ITFG1: variants seen among roughly 807,000 people sequenced by gnomAD.
The protein encoded by ITFG1 is integrin alpha FG-GAP repeat containing 1, also known as T-cell immunomodulatory protein.
ITFG1 carries 34 observed loss-of-function variants against 81.8 expected under a neutral mutation model. That is an observed-to-expected ratio of 0.42 (90% CI 0.32 to 0.55). The LOEUF (loss-of-function observed/expected upper bound fraction) is 0.55, where lower values mean the gene tolerates loss of function less well. Ranked by LOEUF, ITFG1 falls within the 20% of genes least tolerant of loss-of-function variation. The pLI is 0.17. For synonymous variants in ITFG1, 285 were observed against 270.6 expected, an observed-to-expected ratio of 1.05 and a Z score of -0.52; for missense variants, 672 against 755.4, an observed-to-expected ratio of 0.89 and a Z score of 1.29.
intron 6 of ITFG1, among the ~76,000 whole-genome samples, chr16:47,410,140 ATGG>A (rs1398393679): frequency 6.6e-6 from 1 of 152,046 alleles, no homozygotes; most frequent in East Asian, 1.9e-4. Flanking sequence ...TTAGCCAGGC[ATGG>A]TGGCATGCAC....
At position 47,460,992 on chromosome 16, in the gene ITFG1, G is replaced by A. The variant is rs1473218282; in HGVS notation, c.54C>T (p.Leu18=). The A allele has an allele frequency of 1.3e-6, 2 of 1,573,668 alleles. No individual in the cohort carries two copies. Among genetic ancestry groups the A allele is most frequent in the Non-Finnish European group, 1.7e-6 (2 of 1,160,076 alleles). The change falls in exon 1 of 18, where the codon CTC becomes CTT. Residue 18 remains leucine (L), a synonymous_variant. Transcript: ENST00000320640. The part of the protein sequence containing the change: ...PSSWALFSPL[L]AGLALLGVGP... ...CGACTCCCAGTAGTGCAAGCCCTGC[G>A]AGGAGCGGCGAGAAGAGGGCCCAGG...
At chr16:47,351,624 T>C (rs1005750751) in intron 8 of ITFG1, among the ~76,000 whole-genome samples, 32 of 152,176 alleles carry the variant, frequency 2.1e-4, no homozygotes, top group Non-Finnish European at 3.5e-4. Flanking sequence ...ATCGTGAACA[T>C]TGCCATTCTG....
chr16:47,430,737 A>G (rs186597353), intron 5 of ITFG1, among the ~76,000 whole-genome samples: 330 of 152,356 alleles, frequency 2.2e-3, no homozygotes, highest in African/African-American at 7.5e-3. Flanking sequence ...GAAAGAACTA[A>G]AAGGATCTCT....
intron 10 of ITFG1, among the ~76,000 whole-genome samples, chr16:47,274,128 G>A (rs1966372788): frequency 6.6e-6 from 1 of 151,974 alleles, no homozygotes; most frequent in South Asian, 2.1e-4. Context: ...GTGGTGGTGG[G>A]TGCCTGTAAT....
intron 10 of ITFG1, among the ~76,000 whole-genome samples, chr16:47,277,951 T>C (rs1966415255): frequency 6.6e-6 from 1 of 152,190 alleles, no homozygotes; most frequent in Admixed American, 6.5e-5. Context: ...AGAACAAATA[T>C]CTTGCGCAAA....
At chr16:47,365,225 A>G (rs1425313652) in intron 8 of ITFG1, among the ~76,000 whole-genome samples, 1 of 152,192 alleles carries the variant, frequency 6.6e-6, no homozygotes, top group Non-Finnish European at 1.5e-5. Context: ...GGGGCAGACC[A>G]CTTTCCCATC....
rs887188427 is a variant in ITFG1, at chr16:47,365,672, A to C, written c.802+116T>G. On this transcript the variant is annotated intron_variant, in intron 8 of 17. Coordinates refer to ENST00000320640, the MANE Select transcript of ITFG1 (RefSeq NM_030790.5). ...AATAGGCATCTTTTGAAGCTATAAT[A>C]GCTCTGAAGACCCTGGAGTTATTTC... The C allele has an allele frequency of 5.8e-5, 36 of 621,702 alleles. 1 individual carries two copies. Among genetic ancestry groups the C allele is most frequent in the Middle Eastern group, 3.3e-4 (1 of 3,018 alleles). The allele number at this position is 621,702 out of a possible 1,614,324, so 38.5% of individuals were successfully genotyped here. A position where few individuals can be genotyped will look rare whatever the true frequency, so the allele number is the denominator to read the frequency against.
chr16:47,235,515 A>G (rs563108468), intron 13 of ITFG1, among the ~76,000 whole-genome samples: 12 of 152,300 alleles, frequency 7.9e-5, no homozygotes, highest in African/African-American at 2.9e-4. Context: ...CTAAAACTGA[A>G]TATGAATAAA....
chr16:47,172,102 C>T (rs749367391), intron 14 of ITFG1, among the ~76,000 whole-genome samples: 1 of 152,198 alleles, frequency 6.6e-6, no homozygotes, highest in Non-Finnish European at 1.5e-5. Flanking sequence ...GACTGCCAGT[C>T]TCTGAACTCT....
chr16:47,460,951 C>G lies in ITFG1; in HGVS notation c.95G>C (p.Arg32Pro), dbSNP rs1324177346. Residue 32 changes from arginine (R) to proline (P), a missense_variant, in exon 1 of 18, where the codon CGG becomes CCG. Transcript: ENST00000320640. The stretch of plus-strand genomic sequence containing the variant: ...CTCGGCCGTGACGTTGTGCAGCGCC[C>G]GCGCTGGGACCGGCCCGACTCCCAG... ...ALLGVGPVPA[R>P]ALHNVTAELF... is the part of the protein sequence containing the mutation. The G allele has an allele frequency of 1.2e-6, 2 of 1,609,186 alleles. No individual in the cohort carries two copies. Among genetic ancestry groups the G allele is most frequent in the East Asian group, 2.2e-5 (1 of 44,700 alleles).
At chr16:47,429,476 G>A (rs982410811) in intron 5 of ITFG1, among the ~76,000 whole-genome samples, 5 of 152,160 alleles carry the variant, frequency 3.3e-5, no homozygotes, top group African/African-American at 1.2e-4. Context: ...TTGGGTCATA[G>A]AGGAATATAT....
intron 6 of ITFG1, among the ~76,000 whole-genome samples, chr16:47,417,609 C>T (rs571322476): frequency 6.6e-6 from 1 of 152,228 alleles, no homozygotes; most frequent in African/African-American, 2.4e-5. Flanking sequence ...TCTTTTAGCT[C>T]CCATATATGA....
chr16:47,326,344 A>C (rs1420668602), intron 8 of ITFG1, among the ~76,000 whole-genome samples: 1 of 152,224 alleles, frequency 6.6e-6, no homozygotes, highest in Admixed American at 6.5e-5. Flanking sequence ...AGAGCTATCT[A>C]TGACAAACCC....
chr16:47,418,401 T>C (rs1162894052), intron 6 of ITFG1, among the ~76,000 whole-genome samples: 1 of 152,148 alleles, frequency 6.6e-6, no homozygotes, highest in East Asian at 1.9e-4. Flanking sequence ...TTTATCTTTT[T>C]TTTGTTTTTG....
intron 5 of ITFG1, 73 bp from the exon 6 acceptor site, chr16:47,428,971 G>T (rs937971806): frequency 9.5e-6 from 8 of 838,484 alleles, no homozygotes; most frequent in Non-Finnish European, 1.5e-5. Context: ...AAAAATCTCT[G>T]CATGCAAAAC....
At chr16:47,182,526 A>T (rs1309513257) in intron 14 of ITFG1, among the ~76,000 whole-genome samples, 1 of 152,212 alleles carries the variant, frequency 6.6e-6, no homozygotes, top group Non-Finnish European at 1.5e-5. Context: ...TCATTCATCT[A>T]AACATTTAGT....
At chr16:47,373,260 T>A (rs572391201) in intron 7 of ITFG1, among the ~76,000 whole-genome samples, 1 of 152,292 alleles carries the variant, frequency 6.6e-6, no homozygotes, top group African/African-American at 2.4e-5. Context: ...CTTTAATTCA[T>A]ACTAGTCATG....
At chr16:47,205,156 T>C (rs1318900650) in intron 14 of ITFG1, among the ~76,000 whole-genome samples, 1 of 152,244 alleles carries the variant, frequency 6.6e-6, no homozygotes, top group Non-Finnish European at 1.5e-5. Context: ...AGTTTTGTGA[T>C]ATTTGTGAGT....
intron 8 of ITFG1, among the ~76,000 whole-genome samples, chr16:47,328,637 T>G (rs1290256681): frequency 6.6e-6 from 1 of 152,090 alleles, no homozygotes; most frequent in Non-Finnish European, 1.5e-5. Flanking sequence ...CATTCTTATT[T>G]TCTACCAAGC....
Sources: gnomAD v4.1 joint callset for allele counts (sites outside exome capture counted in the v4.1 genomes callset) on GRCh38, gnomAD v4.1.1 for gene constraint, MANE v1.5 for transcripts, NCBI Gene and HGNC (gene_info 2026-07-23, HGNC 2026-07-21) for gene names.